The following BLMH variants were observed in gnomAD, a reference collection of about 807,000 sequenced individuals.
BLMH encodes bleomycin hydrolase, also known as BLM hydrolase.
Under a neutral mutation model 61.6 loss-of-function variants are expected in BLMH, and 32 were observed. That is an observed-to-expected ratio of 0.52 (90% confidence interval 0.39 to 0.70). The LOEUF is 0.70. Ranked by LOEUF, BLMH falls within the 30% of genes least tolerant of loss-of-function variation. The pLI is 0.00. For missense variants in BLMH, 460 were observed against 555.5 expected (o/e 0.83, Z 1.73); for synonymous variants, 183 against 193.8 (o/e 0.94, Z 0.46).
At chr17:30,250,334 A>C (rs1411969289) in intron 11 of BLMH, 3 of 152,238 alleles carry the variant, frequency 2.0e-5, no homozygotes, top group Non-Finnish European at 2.9e-5. Flanking sequence ...GATTCCGACA[A>C]AGGACTAACA....
At chr17:30,287,024 A>C (rs1461214211) in intron 4 of BLMH, 122 bp from the exon 5 acceptor site, 2 of 662,502 alleles carry the variant, frequency 3.0e-6, no homozygotes, top group Admixed American at 5.8e-5. Flanking sequence ...CTTATACTTC[A>C]TATTATGAAG....
At chr17:30,278,063 T>C (rs2143024885) in intron 6 of BLMH, among the ~76,000 whole-genome samples, 1 of 152,334 alleles carries the variant, frequency 6.6e-6, no homozygotes, top group South Asian at 2.1e-4. Flanking sequence ...GGAAGGAATA[T>C]CTGACTCTGA....
chr17:30,255,765 C>T (rs187041392), intron 11 of BLMH, among the ~76,000 whole-genome samples: 22 of 152,156 alleles, frequency 1.4e-4, no homozygotes, highest in Non-Finnish European at 2.6e-4. Flanking sequence ...GGCATGGTGG[C>T]GTGTGCCTGT....
chr17:30,266,523 CA>C (rs770078465), intron 11 of BLMH, among the ~76,000 whole-genome samples: 153 of 53,078 alleles, frequency 2.9e-3, no homozygotes, highest in African/African-American at 3.8e-3. Flanking sequence ...AGACTCTGTC[CA>C]AAAAAAAAAA....
intron 8 of BLMH, 22 bp from the exon 9 acceptor site, chr17:30,272,650 A>T (rs1164689311): frequency 1.2e-6 from 2 of 1,614,106 alleles, no homozygotes; most frequent in Non-Finnish European, 1.7e-6. Flanking sequence ...AGAAAGAGGA[A>T]GAAAGTCAAC....
At chr17:30,250,813 CA>C (rs1907649143) in intron 11 of BLMH, among the ~76,000 whole-genome samples, 1 of 152,110 alleles carries the variant, frequency 6.6e-6, no homozygotes, top group African/African-American at 2.4e-5. Context: ...TTCACAACTA[CA>C]AAAACATGGA....
At chr17:30,282,227 T>G (rs914581008) in intron 6 of BLMH, among the ~76,000 whole-genome samples, 4 of 148,654 alleles carry the variant, frequency 2.7e-5, no homozygotes, top group East Asian at 1.9e-4. Flanking sequence ...AGGTTTTTTT[T>G]TTTTTTTTTT....
intron 11 of BLMH, among the ~76,000 whole-genome samples, chr17:30,256,186 C>T (rs140370992): frequency 5.3e-5 from 8 of 152,278 alleles, no homozygotes; most frequent in African/African-American, 1.9e-4. Flanking sequence ...TACACCTAGC[C>T]CTCTGCGCAT....
intron 5 of BLMH, among the ~76,000 whole-genome samples, chr17:30,286,431 G>T (rs1407270324): frequency 1.3e-5 from 2 of 152,190 alleles, no homozygotes; most frequent in Admixed American, 1.3e-4. Context: ...CACTCTTTAA[G>T]GGAATCTTGC....
At chr17:30,289,299 G>A (rs1391129250) in intron 3 of BLMH, 74 bp downstream of exon 3, 1 of 892,382 alleles carries the variant, frequency 1.1e-6, no homozygotes, top group Admixed American at 2.9e-5. Context: ...AACTGGAAAA[G>A]CTACAAAAGA....
Position 30,291,855 on chromosome 17 carries a change from C to A in BLMH, c.-36G>T. ...CTGCCCGGCGGGGTAACGGTAGCTTCCAGGGTCCTTGGGCGAGCGCCGGGA... is the reference window on the plus strand; with the variant it reads ...CTGCCCGGCGGGGTAACGGTAGCTTACAGGGTCCTTGGGCGAGCGCCGGGA... On this transcript the variant is annotated 5_prime_UTR_variant, in exon 1 of 12. Transcript: ENST00000261714. 1 of 1,337,442 alleles carries A rather than the reference C, an allele frequency of 7.5e-7. No homozygotes were observed. The highest frequency in any genetic ancestry group is 9.5e-7 in the Non-Finnish European group (1 of 1,049,408). The allele number at this position is 1,337,442 out of a possible 1,614,324, so 82.8% of individuals were successfully genotyped here.
chr17:30,280,305 TAGA>T (rs1378469296), intron 6 of BLMH, among the ~76,000 whole-genome samples: 2 of 152,202 alleles, frequency 1.3e-5, no homozygotes, highest in Non-Finnish European at 2.9e-5. Flanking sequence ...CTGTTAAGGC[TAGA>T]AGATTTCAGT....
At chr17:30,272,678 A>C in intron 8 of BLMH, 50 bp from the exon 9 acceptor site, 1 of 1,613,888 alleles carries the variant, frequency 6.2e-7, no homozygotes, top group East Asian at 2.2e-5. Context: ...CCATCTTCCT[A>C]TTATACCAAA....
At chr17:30,264,295 G>A (rs1377606413) in intron 11 of BLMH, among the ~76,000 whole-genome samples, 1 of 152,142 alleles carries the variant, frequency 6.6e-6, no homozygotes, top group African/African-American at 2.4e-5. Context: ...CAACAAAAAA[G>A]TTAATCTTTA....
At chr17:30,256,102 G>A (rs1443289618) in intron 11 of BLMH, among the ~76,000 whole-genome samples, 1 of 152,120 alleles carries the variant, frequency 6.6e-6, no homozygotes, top group Non-Finnish European at 1.5e-5. Flanking sequence ...GCCCAGGCTG[G>A]TCTTGAGCTC....
At chr17:30,280,623 C>T (rs1055323073) in intron 6 of BLMH, among the ~76,000 whole-genome samples, 1 of 152,010 alleles carries the variant, frequency 6.6e-6, no homozygotes, top group African/African-American at 2.4e-5. Flanking sequence ...ATTACAGGCA[C>T]GCATCACCAT....
rs76422921 is a variant in BLMH, at chr17:30,269,477, G to A, written c.1146+1794C>T. 2.7e-3 allele frequency among the ~76,000 whole-genome samples: 415 copies of A among 151,858 alleles called. 2 individuals carry two copies. The highest frequency in any genetic ancestry group is 9.7e-3 in the African/African-American group (402 of 41,412). On this transcript the variant is annotated intron_variant, in intron 10 of 11. Coordinates refer to ENST00000261714, the MANE Select transcript of BLMH (RefSeq NM_000386.4). ...ATTTCAGGTGTGAGTCACTGCACCC[G>A]GTCTAAAATTCCTTTTATAACCTAA...
At chr17:30,274,452 C>A (rs929979092) in intron 6 of BLMH, among the ~76,000 whole-genome samples, 2 of 152,164 alleles carry the variant, frequency 1.3e-5, no homozygotes, top group African/African-American at 4.8e-5. Context: ...GTGCTTAGTA[C>A]TTGTCCTGAA....
chr17:30,271,668 C>T (rs1388568538), intron 9 of BLMH, among the ~76,000 whole-genome samples: 1 of 151,956 alleles, frequency 6.6e-6, no homozygotes, highest in Non-Finnish European at 1.5e-5. Context: ...GTCATTTAGG[C>T]AAGAAAACTT....
Sources: allele counts gnomAD v4.1 joint callset (sites outside exome capture counted in the v4.1 genomes callset), GRCh38; gene constraint gnomAD v4.1.1; transcripts MANE v1.5; gene names NCBI Gene and HGNC (gene_info 2026-07-23, HGNC 2026-07-21).